The following HERC1 variants were observed in gnomAD, a reference collection of about 807,000 sequenced individuals.
The protein encoded by HERC1 is probable E3 ubiquitin-protein ligase HERC1.
A neutral mutation model predicts 554.3 loss-of-function variants in HERC1; 160 were observed. That is an observed-to-expected ratio of 0.29 (90% CI 0.25 to 0.33). The LOEUF (loss-of-function observed/expected upper bound fraction) is 0.33. HERC1 is among the 10% of genes least tolerant of loss of function. HERC1 has a pLI of 1.00. For missense variants in HERC1, 4,919 were observed against 5,918.5 expected (o/e 0.83, Z 5.54); for synonymous variants, 2,175 against 2,131.7 (o/e 1.02, Z -0.56).
chr15:63,613,673 T>A (rs1410165298), intron 76 of HERC1, among the ~76,000 whole-genome samples: 2 of 151,314 alleles, frequency 1.3e-5, no homozygotes, highest in Non-Finnish European at 2.9e-5. Flanking sequence ...TTATTATATA[T>A]ATAAAAAAAA....
rs745732176 is a variant in HERC1 at position 63,643,049 on chromosome 15, C to G, written c.11341G>C (p.Val3781Leu). Residue 3781 changes from valine (V) to leucine (L), a missense_variant, in exon 59 of 78, where the codon GTC becomes CTC. Val to Leu is a conservative substitution (Grantham distance 32). Coordinates refer to ENST00000443617, the MANE Select transcript of HERC1 (RefSeq NM_003922.4). The part of the protein sequence containing the change: ...MNIWSLRDGS[V>L]LQTVVIGSGA... ...GAGCCTATCACAACAGTTTGCAAGA[C>G]AGAGCCATCCTAAAATGAGATATAT... The G allele has an allele frequency of 3.7e-6, 6 of 1,604,988 alleles. No individual in the cohort carries two copies. The Admixed American group carries it at 6.7e-5, about 18-fold the overall frequency.
Position 63,754,453 on chromosome 15 carries a change from TA to T in HERC1, c.1774+51del, listed in dbSNP as rs1217526872. On this transcript the variant is annotated intron_variant, in intron 7 of 77. Coordinates refer to ENST00000443617, the MANE Select transcript of HERC1 (RefSeq NM_003922.4). ...CATATATAACTGAAAAATAAATTTTTAAAAAACTCAAGAAAAAAGCCAAAGC... is the reference window on the plus strand; with the variant it reads ...CATATATAACTGAAAAATAAATTTTTAAAAACTCAAGAAAAAAGCCAAAGC... The T allele has an allele frequency of 3.4e-6, 5 of 1,483,860 alleles. No individual in the cohort carries two copies. In the African/African-American group the frequency reaches 4.2e-5, roughly 13 times the overall value. 91.9% of individuals were successfully genotyped at this position (1,483,860 alleles called of 1,614,324 possible).
intron 1 of HERC1, among the ~76,000 whole-genome samples, chr15:63,783,588 T>C (rs2076349838): frequency 6.6e-6 from 1 of 152,224 alleles, no homozygotes; most frequent in South Asian, 2.1e-4. Flanking sequence ...TTTGCTTTAC[T>C]GTACTTTTCG....
At position 63,716,407 on chromosome 15, in the gene HERC1, C is replaced by T. The variant is rs1198822222; in HGVS notation, c.4045G>A (p.Glu1349Lys). The T allele has an allele frequency of 6.2e-7, 1 of 1,613,828 alleles. No individual in the cohort carries two copies. The highest frequency in any genetic ancestry group is 2.2e-5 in the East Asian group (1 of 44,868). Reference sequence around the variant, plus strand: ...GCCTGTTCTTCCATTTCAGCTTCTTCATCAATAGTTCGAGTAAATGAATGC... The same window carrying T: ...GCCTGTTCTTCCATTTCAGCTTCTTTATCAATAGTTCGAGTAAATGAATGC... ...QEHSFTRTID[E>K]EAEMEEQAER... Residue 1349 changes from glutamate (E) to lysine (K), a missense_variant, in exon 22 of 78, where the codon GAA becomes AAA. Glu to Lys is a moderately conservative substitution (Grantham distance 56, BLOSUM62 1). Coordinates refer to ENST00000443617, the MANE Select transcript of HERC1 (RefSeq NM_003922.4).
Position 63,803,134 on chromosome 15 carries a change from G to A in HERC1, c.-26-27485C>T, listed in dbSNP as rs940777061. Among the ~76,000 whole-genome samples, 3 of 152,142 alleles carry A rather than the reference G, an allele frequency of 2.0e-5. No homozygotes were observed. In the East Asian group the frequency reaches 5.8e-4, roughly 29 times the overall value. On this transcript the variant is annotated intron_variant, in intron 1 of 77. Coordinates refer to ENST00000443617, the MANE Select transcript of HERC1 (RefSeq NM_003922.4). ...ATGGGAGGATCGCTTAAGCCTACGA[G>A]GCTGCAGTGAGCCATAATTGTGCCC...
chr15:63,748,230 A>AAT (rs1160036443), intron 10 of HERC1, among the ~76,000 whole-genome samples: 1 of 152,108 alleles, frequency 6.6e-6, no homozygotes, highest in East Asian at 1.9e-4. Context: ...CATCTCAAAA[A>AAT]ATATATATAT....
intron 24 of HERC1, 47 bp downstream of exon 24, chr15:63,712,728 T>C (rs376674111): frequency 2.7e-4 from 434 of 1,584,324 alleles, no homozygotes; most frequent in Non-Finnish European, 3.7e-4. Context: ...ACATATCATA[T>C]ACCTTGAAAA....
At chr15:63,786,276 T>TAAAAAA (rs375937848) in intron 1 of HERC1, among the ~76,000 whole-genome samples, 4 of 126,240 alleles carry the variant, frequency 3.2e-5, no homozygotes, top group Non-Finnish European at 6.6e-5. Context: ...ATGTTTCTAT[T>TAAAAAA]AAAAAAAAAA....
intron 64 of HERC1, among the ~76,000 whole-genome samples, 182 bp downstream of exon 64, chr15:63,637,323 C>A (rs891203506): frequency 4.6e-5 from 7 of 152,078 alleles, no homozygotes; most frequent in Non-Finnish European, 7.4e-5. Flanking sequence ...CTATAAGTAA[C>A]CTGCAATATA....
chr15:63,688,403 T>C (rs1289594006), intron 33 of HERC1, among the ~76,000 whole-genome samples: 1 of 152,170 alleles, frequency 6.6e-6, no homozygotes, highest in Non-Finnish European at 1.5e-5. Context: ...CTATTAGACA[T>C]TTAAGTGATA....
chr15:63,700,567 G>A (rs1326140189), intron 25 of HERC1, among the ~76,000 whole-genome samples: 1 of 151,934 alleles, frequency 6.6e-6, no homozygotes, highest in African/African-American at 2.4e-5. Context: ...TAATTTATAT[G>A]TATCCTAGTA....
At position 63,718,468 on chromosome 15, in the gene HERC1, A is replaced by G; in HGVS notation, c.3978+106T>C. ...GAAAAGAACTACTCAACATGTATTG[A>G]ACATATGCAATAACCAAGGCACATT... On this transcript the variant is annotated intron_variant, in intron 21 of 77. Coordinates refer to ENST00000443617, the MANE Select transcript of HERC1 (RefSeq NM_003922.4). This position sits in a 1 kb window ranked among gnomAD's most constrained non-coding sequence, Gnocchi z 4.2. The G allele has an allele frequency of 2.1e-5, 22 of 1,046,992 alleles. No homozygotes were observed. The South Asian group carries it at 3.6e-4, about 17-fold the overall frequency. The allele number at this position is 1,046,992 out of a possible 1,614,324, so 64.9% of individuals were successfully genotyped here. A position where few individuals can be genotyped will look rare whatever the true frequency, so the allele number is the denominator to read the frequency against.
intron 74 of HERC1, among the ~76,000 whole-genome samples, chr15:63,617,901 A>G (rs1362117470): frequency 2.0e-5 from 3 of 152,088 alleles, no homozygotes; most frequent in Non-Finnish European, 4.4e-5. Context: ...GATTCTGGAT[A>G]TTAGCCCTTT....
At chr15:63,617,035 G>A (rs958286134) in intron 74 of HERC1, among the ~76,000 whole-genome samples, 40 of 150,808 alleles carry the variant, frequency 2.7e-4, no homozygotes, top group Admixed American at 1.4e-3. Flanking sequence ...TATACTTTAA[G>A]TTTTAGGGTA....
intron 1 of HERC1, among the ~76,000 whole-genome samples, chr15:63,792,844 G>C (rs1239260211): frequency 6.6e-6 from 1 of 152,166 alleles, no homozygotes; most frequent in African/African-American, 2.4e-5. Context: ...CTAGAAAACT[G>C]TCTCCCACTT....
rs757745102 is a variant in HERC1, at chr15:63,712,830, G to A, written c.4529C>T (p.Ser1510Leu). 1.2e-6 allele frequency: 2 copies of A among 1,613,494 alleles called. No individual in the cohort carries two copies. The highest frequency in any genetic ancestry group is 1.7e-6 in the Non-Finnish European group (2 of 1,179,632). ...HTSPNYRLIK[S>L]RSESDLSQPE... ...CTGAGACAAATCAGATTCACTCCTC[G>A]ATTTGATCAGTCTATAATTTGGGCT... The change falls in exon 24 of 78, where the codon TCG becomes TTG. Residue 1510 changes from serine to leucine, a missense_variant. Physicochemically the swap from Ser to Leu is moderately radical, Grantham distance 145. Transcript: ENST00000443617.
At chr15:63,648,331 C>T in intron 54 of HERC1, 132 bp from the exon 55 acceptor site, 1 of 853,714 alleles carries the variant, frequency 1.2e-6, no homozygotes, top group Non-Finnish European at 1.8e-6. Flanking sequence ...CTCTTTAATG[C>T]ATTTAGACAA....
intron 74 of HERC1, among the ~76,000 whole-genome samples, chr15:63,617,705 T>C (rs1264319774): frequency 2.0e-5 from 3 of 152,160 alleles, no homozygotes; most frequent in East Asian, 3.9e-4. Flanking sequence ...GCCATTCTAA[T>C]TGGTGTGAGA....
chr15:63,705,310 C>G (rs747096247), intron 25 of HERC1, among the ~76,000 whole-genome samples: 1 of 151,836 alleles, frequency 6.6e-6, no homozygotes, highest in Admixed American at 6.6e-5. Context: ...CATGCATCCA[C>G]GCCTAGCTTT....
Sources: gnomAD v4.1 joint callset for allele counts (sites outside exome capture counted in the v4.1 genomes callset) on GRCh38, gnomAD v4.1.1 for gene constraint, Gnocchi (gnomAD v3.1) non-coding constraint, MANE v1.5 for transcripts, NCBI Gene and HGNC (gene_info 2026-07-23, HGNC 2026-07-21) for gene names.